The following GAB3 variants were observed in gnomAD, a reference collection of about 807,000 sequenced individuals.
GAB3 encodes the protein GRB2 associated binding protein 3, also known as GRB2-associated-binding protein 3.
In GAB3, 12 loss-of-function variants were observed where a neutral mutation model predicts 40.4. The ratio of observed to expected loss-of-function variants is 0.30; its 90% confidence interval spans 0.19 to 0.48. GAB3 has a LOEUF of 0.48. Among genes scored for constraint, GAB3 ranks in the 20% least tolerant of loss-of-function variants. The pLI, the probability that GAB3 is intolerant of heterozygous loss-of-function variation, is 0.99. For missense variants in GAB3, 381 were observed against 461.9 expected, an observed-to-expected ratio of 0.82 and a Z score of 1.61; for synonymous variants, 154 against 176.7, an observed-to-expected ratio of 0.87 and a Z score of 1.02.
Position 154,713,305 on chromosome X carries a change from G to A in GAB3, c.498C>T (p.Ala166=), listed in dbSNP as rs370871676. ...SLPRDDPNTN[A]VATEETRSES... ...CACTTCTGGTTTCCTCAGTGGCTAC[G>A]GCATTAGTGTTTGGGTCATCTCTTG... The change falls in exon 3 of 10, where the codon GCC becomes GCT. Residue 166 remains alanine, a synonymous_variant. Transcript: ENST00000424127. 17 of 1,210,392 alleles carry A rather than the reference G, an allele frequency of 1.4e-5. No homozygotes were observed. Among genetic ancestry groups the A allele is most frequent in the South Asian group, 5.3e-5 (3 of 56,944 alleles).
At chrX:154,708,296 C>G (rs967872686) in intron 4 of GAB3, among the ~76,000 whole-genome samples, 7 of 112,149 alleles carry the variant, frequency 6.2e-5, no homozygotes, top group Non-Finnish European at 1.3e-4. Context: ...AGGGGGAAAG[C>G]TCATTGACAT....
At chrX:154,707,930 T>C (rs782226434) in intron 4 of GAB3, among the ~76,000 whole-genome samples, 2 of 112,045 alleles carry the variant, frequency 1.8e-5, no homozygotes, top group Non-Finnish European at 3.8e-5. Context: ...CGGAAATGTA[T>C]TAATAAGAGA....
chrX:154,738,848 A>G (rs1414574405), intron 1 of GAB3, among the ~76,000 whole-genome samples: 1 of 112,087 alleles, frequency 8.9e-6, no homozygotes. Flanking sequence ...CTAAGTGGCA[A>G]TCTGGAGTAA....
chrX:154,746,707 AT>A (rs1279265882), intron 1 of GAB3, among the ~76,000 whole-genome samples: 3 of 112,734 alleles, frequency 2.7e-5, no homozygotes, highest in African/African-American at 9.7e-5. Context: ...CATTTATAGT[AT>A]TGCAGGTTGC....
intron 1 of GAB3, among the ~76,000 whole-genome samples, chrX:154,745,702 T>TAACG (rs1191214061): frequency 2.7e-5 from 3 of 111,936 alleles, no homozygotes; most frequent in Non-Finnish European, 5.6e-5. Context: ...TGAAAGACAC[T>TAACG]AACGACACTC....
chrX:154,735,008 T>C lies in GAB3; in HGVS notation c.72+15946A>G, dbSNP rs1355143827. Among the ~76,000 whole-genome samples, 16 of 56,012 alleles carry C rather than the reference T, an allele frequency of 2.9e-4. No homozygotes were observed. The Admixed American group carries it at 2.9e-3, about 10-fold the overall frequency. 48.6% of individuals were successfully genotyped at this position (56,012 alleles called of 115,157 possible). On this transcript the variant is annotated intron_variant, in intron 1 of 9. Transcript: ENST00000424127. ...AGCTTCTATGAGACGTTAAGATAAATATGAATGACCTAATTAATAGAAAAA... is the reference window on the plus strand; with the variant it reads ...AGCTTCTATGAGACGTTAAGATAAACATGAATGACCTAATTAATAGAAAAA...
At chrX:154,723,006 G>C (rs1395741321) in intron 1 of GAB3, among the ~76,000 whole-genome samples, 1 of 110,638 alleles carries the variant, frequency 9.0e-6, no homozygotes, top group Non-Finnish European at 1.9e-5. Context: ...AGCCTCCCAA[G>C]TAGCTGGGAT....
chrX:154,745,451 A>T lies in GAB3; in HGVS notation c.72+5503T>A, dbSNP rs191456508. Among the ~76,000 whole-genome samples the T allele has an allele frequency of 4.5e-5, 5 of 112,119 alleles. No individual in the cohort carries two copies. The East Asian group carries it at 1.4e-3, about 31-fold the overall frequency. On this transcript the variant is annotated intron_variant, in intron 1 of 9. Coordinates refer to ENST00000424127, the MANE Select transcript of GAB3 (RefSeq NM_001081573.3). Reference sequence around the variant, plus strand: ...ACTAGATAAAGAAGTGATTAAATTAAACCCAATGCAATCAAAAGGAGGAAA... The same window carrying T: ...ACTAGATAAAGAAGTGATTAAATTATACCCAATGCAATCAAAAGGAGGAAA...
At chrX:154,728,742 C>T (rs189843426) in intron 1 of GAB3, among the ~76,000 whole-genome samples, 1 of 112,452 alleles carries the variant, frequency 8.9e-6, no homozygotes, top group African/African-American at 3.2e-5. Flanking sequence ...AAACTGTATG[C>T]TCTGTGAAGG....
chrX:154,708,248 C>G (rs1200747884), intron 4 of GAB3, among the ~76,000 whole-genome samples: 3 of 112,099 alleles, frequency 2.7e-5, no homozygotes, highest in Admixed American at 9.4e-5. Context: ...AGACTTCAAT[C>G]TAAAATCTAA....
intron 1 of GAB3, among the ~76,000 whole-genome samples, chrX:154,733,275 T>C (rs1373558854): frequency 8.9e-6 from 1 of 112,546 alleles, no homozygotes; most frequent in Non-Finnish European, 1.9e-5. Context: ...CTATTTTTTA[T>C]GTGTCACGTC....
At chrX:154,699,263 C>A in intron 6 of GAB3, 31 bp downstream of exon 6, 1 of 1,122,639 alleles carries the variant, frequency 8.9e-7, no homozygotes. Flanking sequence ...GCTCCCCTAC[C>A]CCTGTACAGC....
At chrX:154,724,612 C>A (rs2071186070) in intron 1 of GAB3, among the ~76,000 whole-genome samples, 1 of 111,725 alleles carries the variant, frequency 9.0e-6, no homozygotes, top group African/African-American at 3.3e-5. Flanking sequence ...AACAACAAAA[C>A]CCTGCAATAT....
intron 8 of GAB3, among the ~76,000 whole-genome samples, chrX:154,680,617 T>A (rs1205813296): frequency 8.9e-6 from 1 of 111,763 alleles, no homozygotes; most frequent in Non-Finnish European, 1.9e-5. Context: ...TTAAATATAG[T>A]TTGCACAATA....
chrX:154,695,113 T>C (rs1340401491), intron 8 of GAB3, among the ~76,000 whole-genome samples: 3 of 111,955 alleles, frequency 2.7e-5, no homozygotes, highest in African/African-American at 9.7e-5. Context: ...CCTTGAACAT[T>C]GTCCTTCTAA....
intron 4 of GAB3, among the ~76,000 whole-genome samples, chrX:154,705,318 C>T (rs1309138292): frequency 3.6e-5 from 4 of 111,688 alleles, no homozygotes; most frequent in African/African-American, 1.3e-4. Flanking sequence ...CAAACCTGCA[C>T]ATGTACCCAA....
At chrX:154,721,453 A>C (rs998396343) in intron 1 of GAB3, among the ~76,000 whole-genome samples, 2 of 111,897 alleles carry the variant, frequency 1.8e-5, no homozygotes, top group African/African-American at 6.5e-5. Flanking sequence ...AGCAAGAGAG[A>C]GCTGAACTTA....
chrX:154,690,671 T>C (rs2070545431), intron 8 of GAB3, among the ~76,000 whole-genome samples: 1 of 112,072 alleles, frequency 8.9e-6, no homozygotes, highest in Non-Finnish European at 1.9e-5. Flanking sequence ...GAAAAAATGC[T>C]CACCATCACT....
At chrX:154,707,497 C>T (rs1557253961) in intron 4 of GAB3, among the ~76,000 whole-genome samples, 1 of 111,987 alleles carries the variant, frequency 8.9e-6, no homozygotes, top group East Asian at 2.8e-4. Flanking sequence ...AAAAGAAATA[C>T]ATCTATTCAT....
Sources: allele counts gnomAD v4.1 joint callset (sites outside exome capture counted in the v4.1 genomes callset), GRCh38; gene constraint gnomAD v4.1.1; transcripts MANE v1.5; gene names NCBI Gene and HGNC (gene_info 2026-07-23, HGNC 2026-07-21).